The following RANBP2 variants were observed in gnomAD, a reference collection of about 807,000 sequenced individuals.
RANBP2 encodes RAN binding protein 2, also known as E3 SUMO-protein ligase RanBP2.
A neutral mutation model predicts 303.6 loss-of-function variants in RANBP2; 57 were observed. The ratio of observed to expected loss-of-function variants is 0.19; its 90% CI spans 0.15 to 0.23. RANBP2 has a LOEUF of 0.23. Ranked by LOEUF, RANBP2 falls within the 10% of genes least tolerant of loss-of-function variation. The pLI is 1.00. For synonymous variants in RANBP2, 1,167 were observed against 1,301.5 expected (o/e 0.90, Z 2.23); for missense variants, 3,138 against 3,780.8 (o/e 0.83, Z 4.46).
the RANBP2 span, among the ~76,000 whole-genome samples, chr2:109,338,972 C>T: frequency 6.6e-6 from 1 of 152,094 alleles, no homozygotes; most frequent in Admixed American, 6.5e-5. Flanking sequence ...ATACTGTGTT[C>T]TTAGAATAAA....
the RANBP2 span, among the ~76,000 whole-genome samples, chr2:109,184,202 G>A: frequency 2.0e-5 from 3 of 152,170 alleles, no homozygotes; most frequent in African/African-American, 7.2e-5. Context: ...CTCCCAGGTG[G>A]TCTGAATTTC....
chr2:109,725,215 G>T, the RANBP2 span, among the ~76,000 whole-genome samples: 1 of 152,168 alleles, frequency 6.6e-6, no homozygotes, highest in Non-Finnish European at 1.5e-5. Context: ...CCTCCCTCTT[G>T]GTTGTTCCTC....
the RANBP2 span, among the ~76,000 whole-genome samples, chr2:109,118,968 G>A: frequency 2.6e-5 from 4 of 152,164 alleles, no homozygotes; most frequent in Non-Finnish European, 4.4e-5. Flanking sequence ...AAACCAGGAT[G>A]GTTGAATGAG....
At chr2:109,794,672 T>C in the RANBP2 span, 1 of 679,938 alleles carries the variant, frequency 1.5e-6, no homozygotes, top group African/African-American at 3.2e-5. Context: ...GGGGCGCTGC[T>C]CCGTGGCGCG....
At chr2:108,820,285 A>G in the RANBP2 span, among the ~76,000 whole-genome samples, 2 of 152,142 alleles carry the variant, frequency 1.3e-5, no homozygotes, top group Non-Finnish European at 2.9e-5. Flanking sequence ...TCAGAGGAGC[A>G]AAGAGAAAAA....
At chr2:109,241,976 C>T in the RANBP2 span, among the ~76,000 whole-genome samples, 2 of 151,970 alleles carry the variant, frequency 1.3e-5, no homozygotes, top group African/African-American at 4.8e-5. Context: ...TGGTGGTTTT[C>T]TTGGCCTGAC....
the RANBP2 span, among the ~76,000 whole-genome samples, chr2:109,149,651 C>G: frequency 6.6e-6 from 1 of 152,190 alleles, no homozygotes; most frequent in Non-Finnish European, 1.5e-5. Context: ...ACCCACATGT[C>G]CTTTGGCTCT....
chr2:109,501,682 T>C, the RANBP2 span: 2 of 752,582 alleles, frequency 2.7e-6, no homozygotes, highest in Non-Finnish European at 4.9e-6. Context: ...GAACTGGTGC[T>C]CCCTGCACCC....
chr2:109,565,803 CTT>C, the RANBP2 span: 3 of 1,614,106 alleles, frequency 1.9e-6, no homozygotes, highest in Non-Finnish European at 1.7e-6. Flanking sequence ...CTTTGACCAT[CTT>C]GTTTCCGACT....
the RANBP2 span, chr2:109,129,988 G>T: frequency 7.7e-7 from 1 of 1,296,364 alleles, no homozygotes; most frequent in Middle Eastern, 2.9e-4. Flanking sequence ...CCCCACGCTC[G>T]CGGGCGGCGG....
chr2:109,237,638 G>C, the RANBP2 span, among the ~76,000 whole-genome samples: 1 of 152,110 alleles, frequency 6.6e-6, no homozygotes, highest in Admixed American at 6.5e-5. Context: ...GCTATTGTTA[G>C]TGTTAGTATA....
chr2:109,349,391 T>G, the RANBP2 span, among the ~76,000 whole-genome samples: 1 of 152,208 alleles, frequency 6.6e-6, no homozygotes, highest in African/African-American at 2.4e-5. Flanking sequence ...CCCGGGAAAC[T>G]GCACTGGTGC....
the RANBP2 span, among the ~76,000 whole-genome samples, chr2:108,962,425 G>A: frequency 6.6e-6 from 1 of 152,112 alleles, no homozygotes; most frequent in South Asian, 2.1e-4. Context: ...TGTAATCCCA[G>A]CACTTTGGGA....
chr2:109,065,887 T>A, the RANBP2 span, among the ~76,000 whole-genome samples: 1 of 151,920 alleles, frequency 6.6e-6, no homozygotes, highest in Non-Finnish European at 1.5e-5. Context: ...GCCCTTTCCA[T>A]CCTAAGATAC....
the RANBP2 span, among the ~76,000 whole-genome samples, chr2:109,661,260 T>C: frequency 1.3e-5 from 2 of 151,708 alleles, no homozygotes; most frequent in Non-Finnish European, 2.9e-5. Context: ...TTTTTTTTTT[T>C]TTCTGAGACG....
the RANBP2 span, among the ~76,000 whole-genome samples, chr2:108,994,811 TA>T: frequency 8.4e-5 from 2 of 23,874 alleles, no homozygotes; most frequent in Non-Finnish European, 1.6e-4. Context: ...TATATATATA[TA>T]TATATATATA....
the RANBP2 span, among the ~76,000 whole-genome samples, chr2:109,287,157 C>A: frequency 6.6e-6 from 1 of 152,126 alleles, no homozygotes; most frequent in African/African-American, 2.4e-5. Context: ...ATAAAAAAGA[C>A]CCAGTGATTA....
At chr2:109,270,918 A>C in the RANBP2 span, among the ~76,000 whole-genome samples, 1 of 152,208 alleles carries the variant, frequency 6.6e-6, no homozygotes, top group South Asian at 2.1e-4. Flanking sequence ...ATCAGGAGGG[A>C]GACACCAGCG....
At chr2:109,251,689 A>C in the RANBP2 span, 17 of 1,057,738 alleles carry the variant, frequency 1.6e-5, no homozygotes, top group Middle Eastern at 6.1e-4. Flanking sequence ...TCCTCTCTTC[A>C]TAGGTTCTAT....
Sources: gnomAD v4.1 joint callset for allele counts (sites outside exome capture counted in the v4.1 genomes callset) on GRCh38, gnomAD v4.1.1 for gene constraint, MANE v1.5 for transcripts, NCBI Gene and HGNC (gene_info 2026-07-23, HGNC 2026-07-21) for gene names.